ABLIM3: variants seen among roughly 807,000 people sequenced by gnomAD.
ABLIM3 encodes the protein actin-binding LIM protein 3.
ABLIM3 carries 61 observed loss-of-function variants against 109.5 expected under a neutral mutation model. The ratio of observed to expected loss-of-function variants is 0.56; its 90% confidence interval spans 0.45 to 0.69. The LOEUF is 0.69. ABLIM3 is among the 30% of genes least tolerant of loss of function. ABLIM3 has a pLI of 0.00. For synonymous variants in ABLIM3, 300 were observed against 324.8 expected (o/e 0.92, Z 0.82); for missense variants, 796 against 889.5 (o/e 0.89, Z 1.34).
intron 3 of ABLIM3, among the ~76,000 whole-genome samples, chr5:149,186,881 T>C (rs551091225): frequency 5.9e-4 from 90 of 151,662 alleles, no homozygotes; most frequent in African/African-American, 2.0e-3. Flanking sequence ...TAAGCAATAG[T>C]GCAGAAGATT....
At chr5:149,218,542 G>A (rs1391737384) in intron 8 of ABLIM3, 1 of 152,462 alleles carries the variant, frequency 6.6e-6, no homozygotes, top group Non-Finnish European at 1.5e-5. Context: ...GAGTGCATAA[G>A]GGCAAGTGGA....
chr5:149,206,590 GCA>G (rs1758998506), intron 5 of ABLIM3, among the ~76,000 whole-genome samples: 1 of 152,116 alleles, frequency 6.6e-6, no homozygotes, highest in Non-Finnish European at 1.5e-5. Context: ...CTTTTACTCT[GCA>G]CGGAGGTCTT....
At chr5:149,167,419 C>G (rs1194591960) in intron 2 of ABLIM3, among the ~76,000 whole-genome samples, 1 of 152,112 alleles carries the variant, frequency 6.6e-6, no homozygotes, top group Non-Finnish European at 1.5e-5. Flanking sequence ...CTTAAGAGTA[C>G]AGAGGAGTGC....
At chr5:149,178,866 T>G (rs1756209071) in intron 2 of ABLIM3, among the ~76,000 whole-genome samples, 1 of 152,194 alleles carries the variant, frequency 6.6e-6, no homozygotes, top group African/African-American at 2.4e-5. Flanking sequence ...TGGATCACTT[T>G]GTTCAACCTC....
intron 22 of ABLIM3, 179 bp downstream of exon 22, chr5:149,252,387 C>A: frequency 1.6e-6 from 1 of 622,958 alleles, no homozygotes; most frequent in Non-Finnish European, 2.7e-6. Context: ...CTGAATCCTG[C>A]CCTAGGTCTC....
At chr5:149,179,652 T>G (rs1165481834) in intron 2 of ABLIM3, among the ~76,000 whole-genome samples, 1 of 152,148 alleles carries the variant, frequency 6.6e-6, no homozygotes, top group African/African-American at 2.4e-5. Context: ...TCATTTCTTT[T>G]CCCTCTGCCT....
intron 2 of ABLIM3, among the ~76,000 whole-genome samples, chr5:149,150,339 T>A (rs1182533210): frequency 6.6e-6 from 1 of 152,172 alleles, no homozygotes; most frequent in Non-Finnish European, 1.5e-5. Flanking sequence ...AAATTCTACA[T>A]CTGCAAAACA....
At chr5:149,157,648 T>G (rs773815822) in intron 2 of ABLIM3, among the ~76,000 whole-genome samples, 3 of 151,806 alleles carry the variant, frequency 2.0e-5, no homozygotes, top group Non-Finnish European at 4.4e-5. Context: ...TCCCTGGAAT[T>G]GGATAGGGAG....
At chr5:149,214,972 G>T (rs1759912472) in intron 7 of ABLIM3, among the ~76,000 whole-genome samples, 1 of 152,150 alleles carries the variant, frequency 6.6e-6, no homozygotes, top group Non-Finnish European at 1.5e-5. Context: ...TAGACAAAAT[G>T]GTTCATCTCA....
chr5:149,206,911 C>T, intron 5 of ABLIM3, 97 bp from the exon 6 acceptor site: 2 of 1,507,322 alleles, frequency 1.3e-6, no homozygotes, highest in Non-Finnish European at 1.8e-6. Flanking sequence ...TATGGGAACA[C>T]TGGCATTCAG....
intron 8 of ABLIM3, among the ~76,000 whole-genome samples, chr5:149,225,650 A>G (rs1025126567): frequency 1.6e-4 from 25 of 152,102 alleles, no homozygotes; most frequent in Admixed American, 5.9e-4. Context: ...TAGTGCACCC[A>G]TCACCTGAGT....
chr5:149,187,496 A>G (rs938761853), intron 3 of ABLIM3, among the ~76,000 whole-genome samples: 4 of 152,270 alleles, frequency 2.6e-5, no homozygotes, highest in African/African-American at 4.8e-5. Flanking sequence ...CTATCTTTCT[A>G]TAACAAAGAC....
intron 3 of ABLIM3, among the ~76,000 whole-genome samples, chr5:149,184,426 G>T (rs1189377663): frequency 6.6e-6 from 1 of 152,180 alleles, no homozygotes; most frequent in Non-Finnish European, 1.5e-5. Flanking sequence ...GGAATACTTT[G>T]TATTCGCTTT....
intron 6 of ABLIM3, among the ~76,000 whole-genome samples, chr5:149,208,382 CTCTCAATTTCTCTT>C (rs1179159269): frequency 0.013 from 1,733 of 130,904 alleles, 24 homozygotes; most frequent in African/African-American, 0.053. Context: ...CTCTCTCTCT[CTCTCAATTTCTCTT>C]TCTCTCTCTC....
At position 149,239,897 on chromosome 5, in the gene ABLIM3, G is replaced by T. The variant is rs754847916; in HGVS notation, c.1204+9G>T. On this transcript the variant is annotated intron_variant, in intron 13 of 23. Coordinates refer to ENST00000309868, the MANE Select transcript of ABLIM3 (RefSeq NM_014945.5). ...CCACTACTACCGCTCTGGTAAGGAA[G>T]GGGGAGGACCTGAAGGGAGAGGAAG... is the stretch of plus-strand genomic sequence containing the variant. 4.4e-6 allele frequency: 7 copies of T among 1,598,678 alleles called. No individual in the cohort carries two copies. In the East Asian group the frequency reaches 1.6e-4, roughly 37 times the overall value.
intron 9 of ABLIM3, among the ~76,000 whole-genome samples, chr5:149,231,393 T>C (rs1761843182): frequency 6.6e-6 from 1 of 152,158 alleles, no homozygotes; most frequent in South Asian, 2.1e-4. Flanking sequence ...TCTTTGATGA[T>C]GTAGAGGAGA....
chr5:149,183,695 C>G (rs1756680293), intron 3 of ABLIM3, 106 bp downstream of exon 3: 4 of 1,274,902 alleles, frequency 3.1e-6, no homozygotes, highest in Non-Finnish European at 4.1e-6. Flanking sequence ...GCTGGAATAT[C>G]TATAAAGACC....
intron 8 of ABLIM3, among the ~76,000 whole-genome samples, chr5:149,227,996 C>T (rs946294360): frequency 1.3e-5 from 2 of 152,194 alleles, no homozygotes; most frequent in East Asian, 3.9e-4. Context: ...CTTCTCGGTA[C>T]AGTAAAACCT....
intron 8 of ABLIM3, chr5:149,217,505 C>G (rs1243433759): frequency 2.9e-5 from 5 of 171,758 alleles, no homozygotes; most frequent in Non-Finnish European, 6.3e-5. Context: ...ACTCTCAGAA[C>G]ACACAGAGGA....
Sources: allele counts gnomAD v4.1 joint callset (sites outside exome capture counted in the v4.1 genomes callset), GRCh38; gene constraint gnomAD v4.1.1; transcripts MANE v1.5; gene names NCBI Gene and HGNC (gene_info 2026-07-23, HGNC 2026-07-21).